The following SEMA3F variants were observed in gnomAD, a reference collection of about 807,000 sequenced individuals.
SEMA3F encodes the protein semaphorin-3F.
A neutral mutation model predicts 98.5 loss-of-function variants in SEMA3F; 30 were observed. That is an observed-to-expected ratio of 0.30 (90% CI 0.23 to 0.41). SEMA3F has a LOEUF of 0.41. SEMA3F is among the 10% of genes least tolerant of loss of function. The pLI is 1.00. For synonymous variants in SEMA3F, 380 were observed against 444.8 expected (o/e 0.85, Z 1.83); for missense variants, 866 against 1,119.3 (o/e 0.77, Z 3.23).
At chr3:50,161,627 C>T (rs1359978399) in intron 2 of SEMA3F, among the ~76,000 whole-genome samples, 1 of 152,240 alleles carries the variant, frequency 6.6e-6, no homozygotes, top group Non-Finnish European at 1.5e-5. Context: ...GAATGACCTT[C>T]CCTGTTCCGA....
intron 2 of SEMA3F, among the ~76,000 whole-genome samples, chr3:50,165,444 C>A (rs1698368091): frequency 6.6e-6 from 1 of 152,188 alleles, no homozygotes; most frequent in African/African-American, 2.4e-5. Context: ...GGCTCCAAGG[C>A]CTGGTTGGGA....
At chr3:50,179,106 A>T (rs1468085022) in intron 7 of SEMA3F, among the ~76,000 whole-genome samples, 4 of 151,660 alleles carry the variant, frequency 2.6e-5, no homozygotes, top group African/African-American at 9.7e-5. Context: ...TACAGGCGTG[A>T]GCCACCACGC....
chr3:50,174,154 A>G, intron 4 of SEMA3F, 40 bp downstream of exon 4: 1 of 1,613,994 alleles, frequency 6.2e-7, no homozygotes, highest in Non-Finnish European at 8.5e-7. Flanking sequence ...GGGGGAATCC[A>G]CAGGTGGGAA....
rs369786647 is a variant in SEMA3F at position 50,176,840 on chromosome 3, G to A, written c.622G>A (p.Asp208Asn). The A allele has an allele frequency of 3.1e-6, 5 of 1,613,714 alleles. No individual in the cohort carries two copies. The African/African-American group carries it at 5.3e-5, about 17-fold the overall frequency. ...KGKCPYDPKL[D>N]TASALINEEL... is the part of the protein sequence containing the mutation. ...CAAGTGTCCGTACGATCCCAAGCTG[G>A]ACACAGCATCGGCCCTCATCAGTGA... Residue 208 changes from aspartate (D) to asparagine (N), a missense_variant, in exon 7 of 19, where the codon GAC (aspartate) becomes AAC (asparagine). This residue lies in a region of SEMA3F where 374 missense variants were observed against 582.8 expected (regional missense o/e 0.64). Transcript: ENST00000002829.
intron 5 of SEMA3F, among the ~76,000 whole-genome samples, chr3:50,174,694 G>A (rs1698742487): frequency 6.6e-6 from 1 of 152,242 alleles, no homozygotes; most frequent in Admixed American, 6.5e-5. Context: ...GGCCTGGTGG[G>A]GGCCTTGCAA....
chr3:50,180,864 C>T (rs954385112), intron 7 of SEMA3F, among the ~76,000 whole-genome samples: 1 of 151,994 alleles, frequency 6.6e-6, no homozygotes, highest in African/African-American at 2.4e-5. Flanking sequence ...GTCAGGAGTT[C>T]GAGACCAGCC....
rs560306002 is a variant in SEMA3F, at chr3:50,186,627, G to C, written c.1828G>C (p.Val610Leu). Reference sequence around the variant, plus strand: ...TCACTCTAAAGCCAACAAGAATGCCGTGGAGTCTGTGCAGTATGGCGTGGC... The same window carrying C: ...TCACTCTAAAGCCAACAAGAATGCCCTGGAGTCTGTGCAGTATGGCGTGGC... ...GFNSNANKNAVESVQYGVAGS... is the reference protein window; with the variant it reads ...GFNSNANKNALESVQYGVAGS... Residue 610 changes from valine to leucine, a missense_variant, in exon 18 of 19, where the codon GTG becomes CTG. Val to Leu is a conservative substitution (Grantham distance 32). Transcript: ENST00000002829. 4.0e-5 allele frequency: 64 copies of C among 1,596,850 alleles called. No individual in the cohort carries two copies. In the East Asian group the frequency reaches 4.5e-4, roughly 11 times the overall value.
chr3:50,181,309 T>G (rs973954409), intron 7 of SEMA3F, among the ~76,000 whole-genome samples: 12 of 143,916 alleles, frequency 8.3e-5, no homozygotes, highest in South Asian at 5.1e-4. Flanking sequence ...TTTTTTTGTG[T>G]TTTTTTTTTT....
At chr3:50,187,579 TG>T in intron 18 of SEMA3F, 125 bp from the exon 19 acceptor site, 1 of 631,114 alleles carries the variant, frequency 1.6e-6, no homozygotes, top group Non-Finnish European at 2.6e-6. Context: ...GTGGTTTTTC[TG>T]GCATATGGAA....
intron 18 of SEMA3F, 27 bp downstream of exon 18, chr3:50,186,773 C>T (rs751046790): frequency 1.3e-6 from 2 of 1,567,658 alleles, no homozygotes; most frequent in Admixed American, 1.8e-5. Flanking sequence ...GGTGCTGCAC[C>T]GTGGATGTGA....
chr3:50,186,718 A>G lies in SEMA3F; in HGVS notation c.1919A>G (p.Gln640Arg), dbSNP rs779065641. 1.2e-6 allele frequency: 2 copies of G among 1,607,254 alleles called. No individual in the cohort carries two copies. The highest frequency in any genetic ancestry group is 1.1e-5 in the South Asian group (1 of 90,842). The change falls in exon 18 of 19, where the codon CAG (glutamine) becomes CGG (arginine). Residue 640 changes from glutamine (Q) to arginine (R), a missense_variant. Gln to Arg is a conservative substitution (Grantham distance 43). Coordinates refer to ENST00000002829, the MANE Select transcript of SEMA3F (RefSeq NM_004186.5). The stretch of plus-strand genomic sequence containing the variant: ...CAAGCCACTGTTAAGTGGCTGTTCC[A>G]GCGAGATCCTGGTGACCGGCGCCGA... ...SPQATVKWLFQRDPGDRRREI... is the reference protein window; with the variant it reads ...SPQATVKWLFRRDPGDRRREI...
At chr3:50,155,155 G>C (rs1697923075), upstream of SEMA3F, 2 of 372,514 alleles carry the variant, frequency 5.4e-6, no homozygotes, top group Non-Finnish European at 4.9e-6. This position sits in a 1 kb window ranked among gnomAD's most constrained non-coding sequence, Gnocchi z 4.9. Flanking sequence ...TGGGTACGCC[G>C]CGAGGAACCG....
At position 50,174,360 on chromosome 3, in the gene SEMA3F, A is replaced by T. The variant is rs200248678; in HGVS notation, c.456+10A>T. 7.2e-5 allele frequency: 116 copies of T among 1,608,656 alleles called. No homozygotes were observed. In the Middle Eastern group the frequency reaches 8.3e-4, roughly 11 times the overall value. On this transcript the variant is annotated intron_variant, in intron 5 of 18. Transcript: ENST00000002829. ...CGGACGCCGCGCCCAGGTAAGCCCC[A>T]GCCACCCTGGCCCTGTGCTGCCCCC... is the stretch of plus-strand genomic sequence containing the variant.
chr3:50,184,490 G>C, intron 12 of SEMA3F, 102 bp from the exon 13 acceptor site: 1 of 785,560 alleles, frequency 1.3e-6, no homozygotes, highest in Non-Finnish European at 2.1e-6. Flanking sequence ...GGAGCAGGTT[G>C]AGGTAGTGGG....
At chr3:50,170,201 C>T (rs1698551913) in intron 2 of SEMA3F, among the ~76,000 whole-genome samples, 1 of 151,972 alleles carries the variant, frequency 6.6e-6, no homozygotes, top group Non-Finnish European at 1.5e-5. Flanking sequence ...GCTCTGGGAC[C>T]CGGGGAAGTT....
chr3:50,169,382 C>A (rs1698518943), intron 2 of SEMA3F, among the ~76,000 whole-genome samples: 1 of 152,178 alleles, frequency 6.6e-6, no homozygotes, highest in African/African-American at 2.4e-5. Context: ...GGCTGGGACC[C>A]CAAGTGCTTG....
At chr3:50,170,515 G>C (rs1559725343) in intron 2 of SEMA3F, among the ~76,000 whole-genome samples, 4 of 152,096 alleles carry the variant, frequency 2.6e-5, no homozygotes, top group Admixed American at 2.0e-4. Flanking sequence ...TTCCCTGAAA[G>C]GCAGAGACAC....
At position 50,173,966 on chromosome 3, in the gene SEMA3F, C is replaced by T; in HGVS notation, c.273+13C>T. On this transcript the variant is annotated intron_variant, in intron 3 of 18. Transcript: ENST00000002829. The stretch of plus-strand genomic sequence containing the variant: ...CGAGCCCCTCATTGTAAGGGCTGGC[C>T]CTGATGTGGGACGTGGGGTGGGCAC... The T allele has an allele frequency of 3.7e-6, 6 of 1,614,028 alleles. No homozygotes were observed. The highest frequency in any genetic ancestry group is 5.1e-6 in the Non-Finnish European group (6 of 1,179,982).
At position 50,174,082 on chromosome 3, in the gene SEMA3F, G is replaced by A. The variant is rs991248742; in HGVS notation, c.304G>A (p.Glu102Lys). 22 of 1,614,004 alleles carry A rather than the reference G, an allele frequency of 1.4e-5. No homozygotes were observed. The highest frequency in any genetic ancestry group is 7.7e-5 in the South Asian group (7 of 91,096). The change falls in exon 4 of 19, where the codon GAG (glutamate) becomes AAG (lysine). Residue 102 changes from glutamate to lysine, a missense_variant. Physicochemically the swap from Glu to Lys is moderately conservative, Grantham distance 56. This residue lies in a region of SEMA3F where 247 missense variants were observed against 276.0 expected (regional missense o/e 0.89). Coordinates refer to ENST00000002829, the MANE Select transcript of SEMA3F (RefSeq NM_004186.5). ...IHWAASPQRIEECVLSGKDVN... is the reference protein window; with the variant it reads ...IHWAASPQRIKECVLSGKDVN... The stretch of plus-strand genomic sequence containing the variant: ...CTGGGCAGCCTCCCCACAGCGCATC[G>A]AGGAATGCGTGCTCTCAGGCAAGGA...
Sources: gnomAD v4.1 joint callset for allele counts (sites outside exome capture counted in the v4.1 genomes callset) on GRCh38, gnomAD v4.1.1 for gene constraint, gnomAD v4.1.1 regional missense constraint, Gnocchi (gnomAD v3.1) non-coding constraint, MANE v1.5 for transcripts, NCBI Gene and HGNC (gene_info 2026-07-23, HGNC 2026-07-21) for gene names.